THSD7A: variants seen among roughly 807,000 people sequenced by gnomAD.
The protein encoded by THSD7A is thrombospondin type 1 domain containing 7A, also known as thrombospondin type-1 domain-containing protein 7A.
A neutral mutation model predicts 231.3 loss-of-function variants in THSD7A; 96 were observed. That is an observed-to-expected ratio of 0.41 (90% CI 0.35 to 0.49). THSD7A has a LOEUF of 0.49. THSD7A is among the 20% of genes least tolerant of loss of function. The probability of loss-of-function intolerance (pLI) is 0.05; values close to 1 mark genes in which losing one functional copy is unlikely to be tolerated. For missense variants in THSD7A, 2,290 were observed against 2,070.2 expected (o/e 1.11, Z -2.06); for synonymous variants, 940 against 743.3 (o/e 1.26, Z -4.30).
chr7:11,817,126 T>C (rs995943815), intron 1 of THSD7A, among the ~76,000 whole-genome samples: 2 of 152,188 alleles, frequency 1.3e-5, no homozygotes, highest in African/African-American at 4.8e-5. Flanking sequence ...ACCACGTATA[T>C]TGACATGTGA....
At chr7:11,698,925 T>A (rs1780483728) in intron 1 of THSD7A, among the ~76,000 whole-genome samples, 2 of 151,260 alleles carry the variant, frequency 1.3e-5, no homozygotes, top group African/African-American at 4.8e-5. Flanking sequence ...ATAAAAATGA[T>A]TTAAAATATA....
intron 2 of THSD7A, among the ~76,000 whole-genome samples, chr7:11,631,120 C>A (rs557535222): frequency 6.6e-5 from 10 of 152,300 alleles, no homozygotes; most frequent in Admixed American, 3.9e-4. Context: ...CCCTTCCCCC[C>A]ACCAGATTGG....
chr7:11,404,567 C>T (rs967906880), intron 22 of THSD7A, among the ~76,000 whole-genome samples: 1 of 152,190 alleles, frequency 6.6e-6, no homozygotes, highest in South Asian at 2.1e-4. Flanking sequence ...GCTGCCACAG[C>T]CTTAGGCTGG....
At chr7:11,714,411 AC>A (rs1362260943) in intron 1 of THSD7A, among the ~76,000 whole-genome samples, 1 of 151,158 alleles carries the variant, frequency 6.6e-6, no homozygotes, top group Non-Finnish European at 1.5e-5. Context: ...ATTAATCTTT[AC>A]CTTAACCCTA....
chr7:11,499,677 A>T (rs1787251871), intron 6 of THSD7A, among the ~76,000 whole-genome samples: 1 of 152,230 alleles, frequency 6.6e-6, no homozygotes, highest in Admixed American at 6.5e-5. Flanking sequence ...ATGCAATCAC[A>T]AGTATTAACA....
chr7:11,406,384 C>T lies in THSD7A; in HGVS notation c.4153G>A (p.Glu1385Lys). The change falls in exon 22 of 28, where the codon GAG (glutamate) becomes AAG (lysine). Residue 1385 changes from glutamate (E) to lysine (K), a missense_variant. Coordinates refer to ENST00000423059, the MANE Select transcript of THSD7A (RefSeq NM_015204.3). This position sits in a 1 kb window ranked among gnomAD's most constrained non-coding sequence, Gnocchi z 4.7. Reference sequence around the variant, plus strand: ...AGTTCAATGTCAGCACAGAATTCCTCATCCACCACTTTGCTGAAATCATCA... The same window carrying T: ...AGTTCAATGTCAGCACAGAATTCCTTATCCACCACTTTGCTGAAATCATCA... ...SADDFSKVVD[E>K]EFCADIELII... 6.2e-7 allele frequency: 1 copy of T among 1,613,948 alleles called. No homozygotes were observed. Among genetic ancestry groups the T allele is most frequent in the Non-Finnish European group, 8.5e-7 (1 of 1,179,860 alleles).
chr7:11,448,319 G>A (rs750270652), intron 11 of THSD7A, among the ~76,000 whole-genome samples: 9 of 152,108 alleles, frequency 5.9e-5, no homozygotes, highest in Non-Finnish European at 1.0e-4. Context: ...GAGCAAGCAT[G>A]TTTAAAGCCC....
intron 6 of THSD7A, among the ~76,000 whole-genome samples, chr7:11,523,801 A>G (rs780743593): frequency 8.5e-4 from 129 of 152,026 alleles, no homozygotes; most frequent in Non-Finnish European, 1.4e-3. Context: ...AGACATTTTT[A>G]TTGTTCTCCG....
At chr7:11,555,446 A>G (rs1411064097) in intron 4 of THSD7A, among the ~76,000 whole-genome samples, 1 of 151,862 alleles carries the variant, frequency 6.6e-6, no homozygotes, top group African/African-American at 2.4e-5. Context: ...CACTCTATAA[A>G]TTATTTTACA....
chr7:11,830,799 G>A (rs774164389), intron 1 of THSD7A, among the ~76,000 whole-genome samples: 2 of 152,108 alleles, frequency 1.3e-5, no homozygotes, highest in African/African-American at 4.8e-5. Context: ...ACCCCATGAC[G>A]AATACATACT....
chr7:11,820,770 A>C, intron 1 of THSD7A: 1 of 1,204,068 alleles, frequency 8.3e-7, no homozygotes, highest in South Asian at 1.2e-5. Context: ...GAGTGAGATG[A>C]CCGGGAGGAA....
chr7:11,755,519 G>T (rs1184838145), intron 1 of THSD7A, among the ~76,000 whole-genome samples: 1 of 152,068 alleles, frequency 6.6e-6, no homozygotes, highest in Non-Finnish European at 1.5e-5. Context: ...AAGGCCTTCA[G>T]ACCCTGAGGC....
At chr7:11,390,261 T>C (rs529095872) in intron 23 of THSD7A, among the ~76,000 whole-genome samples, 82 of 152,278 alleles carry the variant, frequency 5.4e-4, no homozygotes, top group African/African-American at 1.8e-3. Flanking sequence ...GATTTAGTCT[T>C]TTCACATAGT....
intron 1 of THSD7A, among the ~76,000 whole-genome samples, chr7:11,717,149 A>G (rs1526543): frequency 0.14 from 21,240 of 151,590 alleles, 1,635 homozygotes; most frequent in Admixed American, 0.19. Flanking sequence ...ATGTACTGAG[A>G]TCCACACTTG....
intron 7 of THSD7A, among the ~76,000 whole-genome samples, chr7:11,479,556 A>G (rs1786336578): frequency 1.3e-5 from 2 of 152,230 alleles, no homozygotes; most frequent in Admixed American, 1.3e-4. Flanking sequence ...ACAAAGGATT[A>G]TCTAAGTGGC....
At chr7:11,626,491 T>C (rs1584105148) in intron 2 of THSD7A, among the ~76,000 whole-genome samples, 1 of 152,216 alleles carries the variant, frequency 6.6e-6, no homozygotes, top group African/African-American at 2.4e-5. Flanking sequence ...AGACATCCTG[T>C]CCATGATGAG....
intron 6 of THSD7A, among the ~76,000 whole-genome samples, chr7:11,513,249 C>A (rs1200262033): frequency 2.0e-5 from 3 of 151,676 alleles, no homozygotes; most frequent in Admixed American, 2.0e-4. Context: ...TCTCACAAAT[C>A]TCCACTAAAA....
At position 11,682,648 on chromosome 7, in the gene THSD7A, C is replaced by T. The variant is rs184853165; in HGVS notation, c.191-45687G>A. ...CTAAGAATAGACATAGACATTCACA[C>T]AGTAATACTGGGGGACTTCAACATC... On this transcript the variant is annotated intron_variant, in intron 1 of 27. Coordinates refer to ENST00000423059, the MANE Select transcript of THSD7A (RefSeq NM_015204.3). Among the ~76,000 whole-genome samples, 4 of 152,138 alleles carry T rather than the reference C, an allele frequency of 2.6e-5. No individual in the cohort carries two copies. The East Asian group carries it at 7.8e-4, about 30-fold the overall frequency.
At chr7:11,611,787 AACACAC>A (rs56683135) in intron 2 of THSD7A, among the ~76,000 whole-genome samples, 5,560 of 138,718 alleles carry the variant, frequency 0.04, 151 homozygotes, top group East Asian at 0.15. Context: ...AGTACCATAA[AACACAC>A]ACACACACAC....
Sources: gnomAD v4.1 joint callset for allele counts (sites outside exome capture counted in the v4.1 genomes callset) on GRCh38, gnomAD v4.1.1 for gene constraint, Gnocchi (gnomAD v3.1) non-coding constraint, MANE v1.5 for transcripts, NCBI Gene and HGNC (gene_info 2026-07-23, HGNC 2026-07-21) for gene names.